Variants in USH2A observed in about 807,000 individuals in gnomAD.
The protein encoded by USH2A is Usher syndrome 2A (autosomal recessive, mild).
Under a neutral mutation model 538.9 loss-of-function variants are expected in USH2A, and 443 were observed. The ratio of observed to expected loss-of-function variants is 0.82; its 90% CI spans 0.76 to 0.89. The LOEUF is 0.89. USH2A is among the 40% of genes least tolerant of loss of function. The pLI is 0.00. For synonymous variants in USH2A, 2,413 were observed against 2,273.5 expected, an observed-to-expected ratio of 1.06 and a Z score of -1.75; for missense variants, 6,633 against 6,324.8, an observed-to-expected ratio of 1.05 and a Z score of -1.65.
chr1:216,095,661 A>T (rs1460819161), intron 22 of USH2A, among the ~76,000 whole-genome samples: 1 of 152,164 alleles, frequency 6.6e-6, no homozygotes, highest in African/African-American at 2.4e-5. Flanking sequence ...AGTCATGAGG[A>T]GGGAGCCTTT....
At chr1:215,670,712 A>G (rs1320575436) in intron 64 of USH2A, among the ~76,000 whole-genome samples, 1 of 152,188 alleles carries the variant, frequency 6.6e-6, no homozygotes, top group Non-Finnish European at 1.5e-5. Context: ...AAACCACTTT[A>G]CTAATAAGAA....
At chr1:215,950,743 C>G (rs1420840178) in intron 37 of USH2A, among the ~76,000 whole-genome samples, 3 of 151,970 alleles carry the variant, frequency 2.0e-5, no homozygotes, top group Non-Finnish European at 4.4e-5. Context: ...AACTCCTGAC[C>G]TTGTGATCCA....
chr1:216,020,953 T>C (rs920658623), intron 32 of USH2A, among the ~76,000 whole-genome samples: 1 of 152,152 alleles, frequency 6.6e-6, no homozygotes, highest in Non-Finnish European at 1.5e-5. Context: ...CAAGACTGTG[T>C]AGCTCAGCTG....
chr1:215,861,838 CTT>C (rs11461966), intron 44 of USH2A, among the ~76,000 whole-genome samples: 55 of 110,346 alleles, frequency 5.0e-4, no homozygotes, highest in African/African-American at 1.8e-3. Flanking sequence ...GTAGTTTTCG[CTT>C]TTTTTTTTTT....
rs554598024 is a variant in USH2A, at chr1:215,888,304, T to G, written c.8223+122A>C. On this transcript the variant is annotated intron_variant, in intron 41 of 71. Transcript: ENST00000307340. ...GGGCCAAAGGCCAAAACCCAGTTTC[T>G]CCAGTGAATGCCTAAAACAACAAAT... 3.3e-5 allele frequency: 49 copies of G among 1,482,526 alleles called. No homozygotes were observed. In the East Asian group the frequency reaches 7.8e-4, roughly 24 times the overall value. The allele number at this position is 1,482,526 out of a possible 1,614,324, so 91.8% of individuals were successfully genotyped here.
intron 11 of USH2A, among the ~76,000 whole-genome samples, chr1:216,287,948 G>A (rs2036918662): frequency 6.6e-6 from 1 of 152,122 alleles, no homozygotes; most frequent in South Asian, 2.1e-4. Flanking sequence ...ACTTATTGGG[G>A]GCTTTTTATA....
At chr1:216,416,195 T>C (rs1274884038) in intron 3 of USH2A, among the ~76,000 whole-genome samples, 2 of 152,118 alleles carry the variant, frequency 1.3e-5, no homozygotes, top group African/African-American at 4.8e-5. Flanking sequence ...TGGATTTTTA[T>C]AAATTTCATA....
intron 49 of USH2A, 115 bp from the exon 50 acceptor site, chr1:215,799,240 A>C: frequency 3.2e-6 from 4 of 1,235,838 alleles, no homozygotes; most frequent in Non-Finnish European, 4.6e-6. Context: ...AGAATTACTA[A>C]AGAGAATAAT....
chr1:216,027,093 C>T (rs1056059363), intron 32 of USH2A, among the ~76,000 whole-genome samples: 2 of 152,168 alleles, frequency 1.3e-5, no homozygotes, highest in South Asian at 2.1e-4. Flanking sequence ...GAATTTTGTC[C>T]GTCCAAAATT....
chr1:216,015,274 G>A (rs950369801), intron 32 of USH2A, among the ~76,000 whole-genome samples: 2 of 152,142 alleles, frequency 1.3e-5, no homozygotes, highest in African/African-American at 2.4e-5. Context: ...TATGTTTCTC[G>A]TAGATGCCTG....
intron 30 of USH2A, among the ~76,000 whole-genome samples, chr1:216,053,304 G>A (rs1405880939): frequency 6.6e-6 from 1 of 152,124 alleles, no homozygotes; most frequent in Non-Finnish European, 1.5e-5. Context: ...ATCCTAGACA[G>A]AAAGCCCAAA....
At chr1:216,365,229 C>G (rs1397227607) in intron 3 of USH2A, 144 bp from the exon 4 acceptor site, 4 of 935,504 alleles carry the variant, frequency 4.3e-6, no homozygotes, top group African/African-American at 1.7e-5. Flanking sequence ...TTTAATAGCT[C>G]AGTGATATCT....
intron 21 of USH2A, among the ~76,000 whole-genome samples, chr1:216,118,626 A>G (rs1252383205): frequency 6.6e-6 from 1 of 152,242 alleles, no homozygotes; most frequent in East Asian, 1.9e-4. Flanking sequence ...TCGCCACTCC[A>G]AGAGCTCAGA....
intron 9 of USH2A, among the ~76,000 whole-genome samples, chr1:216,294,381 A>C (rs991572574): frequency 6.6e-6 from 1 of 152,046 alleles, no homozygotes; most frequent in African/African-American, 2.4e-5. Context: ...AAAATTATGA[A>C]TATACATGGG....
intron 44 of USH2A, among the ~76,000 whole-genome samples, chr1:215,865,319 C>G (rs536808883): frequency 1.3e-5 from 2 of 152,258 alleles, no homozygotes; most frequent in South Asian, 4.1e-4. Flanking sequence ...TTACCTACAT[C>G]CCGAAGGTCA....
intron 43 of USH2A, among the ~76,000 whole-genome samples, chr1:215,872,372 A>G (rs1209690615): frequency 6.6e-6 from 1 of 152,230 alleles, no homozygotes; most frequent in East Asian, 1.9e-4. Context: ...AATGTTGATC[A>G]CACTTGAATA....
intron 67 of USH2A, among the ~76,000 whole-genome samples, chr1:215,644,254 G>A (rs1416791725): frequency 6.6e-6 from 1 of 152,206 alleles, no homozygotes; most frequent in Non-Finnish European, 1.5e-5. Context: ...AGCTTGAAGG[G>A]GAAAGTTGCA....
chr1:216,077,692 T>C (rs547264702), intron 27 of USH2A, among the ~76,000 whole-genome samples: 3 of 149,500 alleles, frequency 2.0e-5, no homozygotes, highest in African/African-American at 7.3e-5. Context: ...TCCATATAAA[T>C]ATCATCTTTG....
chr1:215,857,615 G>A lies in USH2A; in HGVS notation c.8845+9392C>T, dbSNP rs117710644. Among the ~76,000 whole-genome samples the A allele has an allele frequency of 7.5e-4, 114 of 152,250 alleles. No homozygotes were observed. The East Asian group carries it at 0.02, about 27-fold the overall frequency. ...TGTGCAATTGAGTTTTACATCCCCTGGTGCATCCCACGTACAAAAATGGCA... is the reference window on the plus strand; with the variant it reads ...TGTGCAATTGAGTTTTACATCCCCTAGTGCATCCCACGTACAAAAATGGCA... On this transcript the variant is annotated intron_variant, in intron 44 of 71. Transcript: ENST00000307340.
Sources: gnomAD v4.1 joint callset for allele counts (sites outside exome capture counted in the v4.1 genomes callset) on GRCh38, gnomAD v4.1.1 for gene constraint, MANE v1.5 for transcripts, NCBI Gene and HGNC (gene_info 2026-07-23, HGNC 2026-07-21) for gene names.